The following AFF3 variants were observed in gnomAD, a reference collection of about 807,000 sequenced individuals.
The protein encoded by AFF3 is AF4/FMR2 family member 3.
AFF3 carries 32 observed loss-of-function variants against 129.7 expected under a neutral mutation model. The observed-to-expected ratio is 0.25, with a 90% CI of 0.19 to 0.33. The LOEUF is 0.33. Ranked by LOEUF, AFF3 falls within the 10% of genes least tolerant of loss-of-function variation. The pLI is 1.00. For synonymous variants in AFF3, 644 were observed against 635.4 expected, an observed-to-expected ratio of 1.01 and a Z score of -0.20; for missense variants, 1,373 against 1,592.0, an observed-to-expected ratio of 0.86 and a Z score of 2.34.
chr2:99,641,349 C>G (rs1440576503), intron 13 of AFF3, among the ~76,000 whole-genome samples: 1 of 152,096 alleles, frequency 6.6e-6, no homozygotes, highest in South Asian at 2.1e-4. Flanking sequence ...GTTTGGAAAG[C>G]AAGACTCACT....
At chr2:99,727,984 A>G (rs1042514852) in intron 10 of AFF3, among the ~76,000 whole-genome samples, 1 of 152,170 alleles carries the variant, frequency 6.6e-6, no homozygotes, top group Non-Finnish European at 1.5e-5. Flanking sequence ...GCAGAATGAG[A>G]TGTAAACCAG....
At chr2:99,928,830 G>A (rs74807986) in intron 7 of AFF3, among the ~76,000 whole-genome samples, 4,302 of 152,114 alleles carry the variant, frequency 0.028, 205 homozygotes, top group African/African-American at 0.097. Flanking sequence ...AACTCTAAGG[G>A]ACCTGTCAAA....
intron 1 of AFF3, among the ~76,000 whole-genome samples, chr2:100,132,629 A>T (rs1692469142): frequency 6.6e-6 from 1 of 152,210 alleles, no homozygotes; most frequent in African/African-American, 2.4e-5. Context: ...GGCAGTATAC[A>T]TACACTAATG....
At chr2:99,944,597 T>G (rs1479508226) in intron 7 of AFF3, among the ~76,000 whole-genome samples, 1 of 152,190 alleles carries the variant, frequency 6.6e-6, no homozygotes, top group Non-Finnish European at 1.5e-5. Flanking sequence ...ATGTTTATTT[T>G]TAAAGAAGAG....
At chr2:100,016,865 C>T (rs188324901) in intron 4 of AFF3, among the ~76,000 whole-genome samples, 7 of 124,292 alleles carry the variant, frequency 5.6e-5, no homozygotes, top group Non-Finnish European at 6.9e-5. Flanking sequence ...AGGTGGTGAT[C>T]GTGCTGGTGG....
rs1048899687 is a variant in AFF3, at chr2:99,548,364, A to G, written c.*3110T>C. On this transcript the variant is annotated 3_prime_UTR_variant, in exon 25 of 25. Coordinates refer to ENST00000672756, the MANE Select transcript of AFF3 (RefSeq NM_001386135.1). The stretch of plus-strand genomic sequence containing the variant: ...GGACAACCAGGGACTTACACTTTCT[A>G]CTTTCTACATTTCTGCACTGTTTGA... The G allele has an allele frequency of 1.0e-5, 2 of 200,298 alleles. No homozygotes were observed. Among genetic ancestry groups the G allele is most frequent in the Non-Finnish European group, 2.1e-5 (2 of 97,070 alleles). 12.4% of individuals were successfully genotyped at this position (200,298 alleles called of 1,614,324 possible).
chr2:99,869,726 A>T (rs771900339), intron 7 of AFF3, among the ~76,000 whole-genome samples: 3 of 152,150 alleles, frequency 2.0e-5, no homozygotes, highest in Non-Finnish European at 4.4e-5. Flanking sequence ...ACAGCCACCA[A>T]AACCAAAGTA....
intron 8 of AFF3, among the ~76,000 whole-genome samples, chr2:99,764,218 A>C (rs111699764): frequency 1.1e-3 from 171 of 152,270 alleles, no homozygotes; most frequent in African/African-American, 3.9e-3. Context: ...TGCATCATCA[A>C]AAGCACTCCT....
chr2:99,706,930 C>G (rs1677452708), intron 11 of AFF3, among the ~76,000 whole-genome samples: 1 of 152,188 alleles, frequency 6.6e-6, no homozygotes, highest in African/African-American at 2.4e-5. Flanking sequence ...ATCTGTTGGA[C>G]TCTTTAAAGT....
intron 9 of AFF3, 63 bp from the exon 10 acceptor site, chr2:99,744,203 T>A: frequency 2.1e-6 from 3 of 1,462,574 alleles, no homozygotes; most frequent in South Asian, 1.2e-5. Context: ...AAGTTAAACA[T>A]GAGATCATGT....
intron 7 of AFF3, among the ~76,000 whole-genome samples, chr2:99,917,521 C>T (rs867974311): frequency 2.6e-5 from 4 of 152,148 alleles, no homozygotes. Flanking sequence ...CGCCTTGTCT[C>T]CCTCTAAGAG....
intron 4 of AFF3, among the ~76,000 whole-genome samples, chr2:100,103,324 AG>A (rs894140549): frequency 6.6e-6 from 1 of 151,790 alleles, no homozygotes; most frequent in Non-Finnish European, 1.5e-5. Context: ...TTAAAGCAAA[AG>A]GAAAAAAAAA....
chr2:100,071,891 T>C (rs1450023223), intron 4 of AFF3, among the ~76,000 whole-genome samples: 1 of 152,196 alleles, frequency 6.6e-6, no homozygotes, highest in Non-Finnish European at 1.5e-5. Flanking sequence ...TATGTGGTTA[T>C]CTACAGGTAG....
intron 7 of AFF3, among the ~76,000 whole-genome samples, chr2:99,964,618 G>A (rs1160991871): frequency 6.6e-6 from 1 of 152,100 alleles, no homozygotes; most frequent in African/African-American, 2.4e-5. Flanking sequence ...GTAATGCTGA[G>A]CGGGGAATTT....
At chr2:99,879,845 G>A (rs1375824287) in intron 7 of AFF3, among the ~76,000 whole-genome samples, 1 of 152,140 alleles carries the variant, frequency 6.6e-6, no homozygotes, top group African/African-American at 2.4e-5. Flanking sequence ...AACAGATAAA[G>A]TAGCTACAAA....
chr2:100,073,055 C>G (rs767267872), intron 4 of AFF3, among the ~76,000 whole-genome samples: 4 of 152,228 alleles, frequency 2.6e-5, no homozygotes, highest in Non-Finnish European at 5.9e-5. Context: ...GGTTCCCTAA[C>G]TTCAGCCTCA....
At chr2:100,139,692 G>T (rs1450027697) in intron 1 of AFF3, among the ~76,000 whole-genome samples, 2 of 152,160 alleles carry the variant, frequency 1.3e-5, no homozygotes, top group African/African-American at 2.4e-5. Context: ...TTTTCTGGAT[G>T]AAGAATAATG....
At chr2:99,946,473 T>TAAAAAAAAAAAAAAAAAAAA (rs55672296) in intron 7 of AFF3, among the ~76,000 whole-genome samples, 1 of 50,486 alleles carries the variant, frequency 2.0e-5, no homozygotes, top group Non-Finnish European at 3.7e-5. Context: ...GACGCCATCT[T>TAAAAAAAAAAAAAAAAAAAA]AAAAAAAAAA....
At chr2:100,082,948 T>C (rs750776020) in intron 4 of AFF3, among the ~76,000 whole-genome samples, 5 of 152,020 alleles carry the variant, frequency 3.3e-5, no homozygotes, top group Non-Finnish European at 5.9e-5. Flanking sequence ...GGCATGGTGA[T>C]GCATCCCTGT....
Sources: gnomAD v4.1 joint callset for allele counts (sites outside exome capture counted in the v4.1 genomes callset) on GRCh38, gnomAD v4.1.1 for gene constraint, MANE v1.5 for transcripts, NCBI Gene and HGNC (gene_info 2026-07-23, HGNC 2026-07-21) for gene names.